Variants in C12orf42 observed in about 807,000 individuals in gnomAD.
The protein encoded by C12orf42 is uncharacterized protein C12orf42.
A neutral mutation model predicts 21.6 loss-of-function variants in C12orf42; 25 were observed. The ratio of observed to expected loss-of-function variants is 1.16; its 90% CI spans 0.84 to 1.62. C12orf42 has a LOEUF of 1.62. C12orf42 is among the 40% of genes most tolerant of loss of function. C12orf42 has a pLI of 0.00. For synonymous variants in C12orf42, 174 were observed against 175.0 expected, an observed-to-expected ratio of 0.99 and a Z score of 0.05; for missense variants, 483 against 459.3, an observed-to-expected ratio of 1.05 and a Z score of -0.47.
At chr12:103,540,585 G>T in the C12orf42 span, among the ~76,000 whole-genome samples, 1 of 151,998 alleles carries the variant, frequency 6.6e-6, no homozygotes, top group Non-Finnish European at 1.5e-5. Context: ...TTGCCTTCAG[G>T]TCTAAAATTA....
chr12:103,431,637 T>G (rs561801492), intron 2 of C12orf42, among the ~76,000 whole-genome samples: 1 of 152,202 alleles, frequency 6.6e-6, no homozygotes, highest in African/African-American at 2.4e-5. Context: ...CACATATACA[T>G]TACATACCCT....
At chr12:103,204,385 AT>A in the C12orf42 span, among the ~76,000 whole-genome samples, 14 of 152,094 alleles carry the variant, frequency 9.2e-5, no homozygotes, top group Admixed American at 1.3e-4. Context: ...TGCTGAGTTA[AT>A]TTTTTTTCCT....
the C12orf42 span, among the ~76,000 whole-genome samples, chr12:103,177,776 C>T: frequency 6.6e-6 from 1 of 152,120 alleles, no homozygotes; most frequent in Non-Finnish European, 1.5e-5. Flanking sequence ...TAAACTCAGA[C>T]TAATCAAATT....
At chr12:103,475,079 T>C (rs896121390) in intron 2 of C12orf42, among the ~76,000 whole-genome samples, 1 of 152,210 alleles carries the variant, frequency 6.6e-6, no homozygotes, top group Admixed American at 6.5e-5. Flanking sequence ...GGCAAATGCT[T>C]CCTCATTGGT....
intron 2 of C12orf42, among the ~76,000 whole-genome samples, chr12:103,432,880 C>T (rs993611952): frequency 6.6e-6 from 1 of 152,154 alleles, no homozygotes; most frequent in African/African-American, 2.4e-5. Flanking sequence ...ATCTCGGACT[C>T]CCAGCCTCCA....
At chr12:103,075,333 A>G in the C12orf42 span, among the ~76,000 whole-genome samples, 2 of 152,030 alleles carry the variant, frequency 1.3e-5, no homozygotes, top group African/African-American at 4.8e-5. Context: ...ATTTGTTGTA[A>G]GCTTGGAAAC....
chr12:103,550,252 A>G, the C12orf42 span, among the ~76,000 whole-genome samples: 3 of 152,156 alleles, frequency 2.0e-5, no homozygotes, highest in African/African-American at 7.2e-5. Flanking sequence ...AAACATGCAA[A>G]AAGAATATAT....
chr12:103,123,972 C>T, the C12orf42 span, among the ~76,000 whole-genome samples: 2 of 151,898 alleles, frequency 1.3e-5, no homozygotes, highest in African/African-American at 2.4e-5. Flanking sequence ...AATTTATCTC[C>T]GTTTTACTTG....
At chr12:103,312,949 G>A (rs2039108791) in intron 4 of C12orf42, among the ~76,000 whole-genome samples, 1 of 152,114 alleles carries the variant, frequency 6.6e-6, no homozygotes, top group African/African-American at 2.4e-5. Flanking sequence ...TGTACTTTCA[G>A]CCCCTCTGAG....
chr12:103,377,691 G>T (rs1347669671), intron 3 of C12orf42, among the ~76,000 whole-genome samples: 2 of 152,056 alleles, frequency 1.3e-5, no homozygotes, highest in African/African-American at 4.8e-5. Context: ...ATAGAACTCT[G>T]CATCCAGCCC....
the C12orf42 span, among the ~76,000 whole-genome samples, chr12:103,216,938 G>C: frequency 6.6e-6 from 1 of 152,038 alleles, no homozygotes; most frequent in Non-Finnish European, 1.5e-5. Context: ...TGCCTCCCAG[G>C]TTCAAGGGAT....
downstream of C12orf42, among the ~76,000 whole-genome samples, chr12:103,266,025 C>T (rs948727264): frequency 1.3e-5 from 2 of 152,082 alleles, no homozygotes; most frequent in African/African-American, 2.4e-5. Flanking sequence ...AAGGAGAGAA[C>T]ATGATCATTG....
At chr12:103,536,953 C>T in the C12orf42 span, among the ~76,000 whole-genome samples, 19 of 151,762 alleles carry the variant, frequency 1.3e-4, no homozygotes, top group African/African-American at 4.4e-4. Context: ...TTTAATTTGG[C>T]GATTGTCTGT....
chr12:103,350,450 T>C (rs1050913927), intron 4 of C12orf42, among the ~76,000 whole-genome samples: 1 of 152,316 alleles, frequency 6.6e-6, no homozygotes, highest in East Asian at 1.9e-4. Flanking sequence ...TAGTTAATAA[T>C]GGCACCAACA....
intron 4 of C12orf42, among the ~76,000 whole-genome samples, chr12:103,323,692 T>C (rs531253567): frequency 1.7e-4 from 26 of 152,362 alleles, no homozygotes; most frequent in African/African-American, 6.3e-4. Context: ...GTAGATTCAT[T>C]ACATTTGTGT....
At chr12:103,561,806 C>G in the C12orf42 span, among the ~76,000 whole-genome samples, 2 of 152,212 alleles carry the variant, frequency 1.3e-5, no homozygotes, top group Non-Finnish European at 2.9e-5. Context: ...TGTTTCCCTC[C>G]TCTCTGCCGA....
the C12orf42 span, among the ~76,000 whole-genome samples, chr12:103,552,127 A>G: frequency 6.6e-6 from 1 of 152,056 alleles, no homozygotes; most frequent in African/African-American, 2.4e-5. Flanking sequence ...GAGAAATTGC[A>G]TTTACTCACT....
At chr12:103,269,545 TATCA>T (rs1593247515) in intron 6 of C12orf42, among the ~76,000 whole-genome samples, 3 of 152,192 alleles carry the variant, frequency 2.0e-5, no homozygotes, top group African/African-American at 7.2e-5. Context: ...ATCACAAATT[TATCA>T]ATCAGTGTTT....
the C12orf42 span, among the ~76,000 whole-genome samples, chr12:103,557,155 A>G: frequency 6.6e-6 from 1 of 152,212 alleles, no homozygotes; most frequent in Non-Finnish European, 1.5e-5. Context: ...TTCAATTCCA[A>G]GAAACTATTT....
Sources: allele counts gnomAD v4.1 joint callset (sites outside exome capture counted in the v4.1 genomes callset), GRCh38; gene constraint gnomAD v4.1.1; transcripts MANE v1.5; gene names NCBI Gene and HGNC (gene_info 2026-07-23, HGNC 2026-07-21).